ARMH3: variants seen among roughly 807,000 people sequenced by gnomAD.
ARMH3 encodes armadillo like helical domain containing 3.
ARMH3 carries 60 observed loss-of-function variants against 99.1 expected under a neutral mutation model. That is an observed-to-expected ratio of 0.61 (90% CI 0.49 to 0.75). The LOEUF is 0.75. ARMH3 is among the 30% of genes least tolerant of loss of function. The probability of loss-of-function intolerance (pLI) is 0.00; values close to 1 mark genes in which losing one functional copy is unlikely to be tolerated. For missense variants in ARMH3, 679 were observed against 843.1 expected (o/e 0.81, Z 2.41); for synonymous variants, 285 against 292.8 (o/e 0.97, Z 0.27).
intron 24 of ARMH3, among the ~76,000 whole-genome samples, chr10:101,887,808 T>C (rs562010949): frequency 6.6e-6 from 1 of 152,002 alleles, no homozygotes; most frequent in South Asian, 2.1e-4. Context: ...TCCCTCTCCA[T>C]TGAAATCGCT....
intron 23 of ARMH3, among the ~76,000 whole-genome samples, chr10:101,906,019 C>T (rs1249880787): frequency 6.6e-6 from 1 of 152,138 alleles, no homozygotes; most frequent in African/African-American, 2.4e-5. Flanking sequence ...ATGTTACGTA[C>T]ATGTTACATT....
At chr10:101,944,265 TATATATATAGAGAGAGAG>T (rs1337049262) in intron 22 of ARMH3, among the ~76,000 whole-genome samples, 2 of 56,484 alleles carry the variant, frequency 3.5e-5, no homozygotes, top group East Asian at 7.6e-4. Flanking sequence ...TATATATATA[TATATATATAGAGAGAGAG>T]AGAGAGAGAG....
At chr10:102,020,058 C>CA (rs1348046893) in intron 8 of ARMH3, among the ~76,000 whole-genome samples, 7 of 149,868 alleles carry the variant, frequency 4.7e-5, no homozygotes, top group African/African-American at 7.4e-5. Flanking sequence ...CATGTCATCT[C>CA]AAACATCACA....
intron 23 of ARMH3, among the ~76,000 whole-genome samples, chr10:101,933,152 C>T (rs1843796266): frequency 1.3e-5 from 2 of 152,106 alleles, no homozygotes; most frequent in Admixed American, 1.3e-4. Context: ...CACCACTGCA[C>T]TCCAGCCTGG....
chr10:101,928,300 G>C (rs900117672), intron 23 of ARMH3, among the ~76,000 whole-genome samples: 3 of 152,116 alleles, frequency 2.0e-5, no homozygotes, highest in African/African-American at 7.2e-5. Context: ...TATCTACAAG[G>C]CTTCAAATGA....
intron 23 of ARMH3, among the ~76,000 whole-genome samples, chr10:101,937,161 C>T (rs1459476451): frequency 6.6e-6 from 1 of 152,164 alleles, no homozygotes; most frequent in Non-Finnish European, 1.5e-5. Flanking sequence ...GTCTTCAATG[C>T]AGCTTTACAG....
intron 15 of ARMH3, among the ~76,000 whole-genome samples, chr10:101,999,858 G>T (rs940093181): frequency 6.6e-6 from 1 of 152,076 alleles, no homozygotes; most frequent in Admixed American, 6.5e-5. Flanking sequence ...GCTGAGGTGG[G>T]CGGATCACAA....
intron 23 of ARMH3, among the ~76,000 whole-genome samples, chr10:101,903,557 A>T (rs763304674): frequency 1.1e-4 from 17 of 152,192 alleles, no homozygotes; most frequent in Non-Finnish European, 2.5e-4. Context: ...GTGCTTGAGC[A>T]GAGTCTCAAA....
At chr10:101,888,487 G>C (rs1269582761) in intron 24 of ARMH3, among the ~76,000 whole-genome samples, 4 of 152,228 alleles carry the variant, frequency 2.6e-5, no homozygotes, top group African/African-American at 9.6e-5. Context: ...AAAAAGGCTT[G>C]CTTGGTGCTT....
intron 22 of ARMH3, among the ~76,000 whole-genome samples, chr10:101,944,328 A>AGAGAGAGAGT (rs1554871575): frequency 9.3e-6 from 1 of 108,002 alleles, no homozygotes; most frequent in Non-Finnish European, 1.9e-5. Flanking sequence ...AGAGAGAGAG[A>AGAGAGAGAGT]GTCCAAACTG....
chr10:101,964,905 C>A (rs1395908166), intron 20 of ARMH3, among the ~76,000 whole-genome samples: 3 of 151,604 alleles, frequency 2.0e-5, no homozygotes, highest in Non-Finnish European at 2.9e-5. Flanking sequence ...CCCAGCTACT[C>A]GGGAGGCTGA....
At chr10:102,014,675 G>A (rs943126510) in intron 8 of ARMH3, among the ~76,000 whole-genome samples, 1 of 152,158 alleles carries the variant, frequency 6.6e-6, no homozygotes, top group Non-Finnish European at 1.5e-5. Context: ...ATCTGGTCAG[G>A]ACACTGGAAT....
intron 15 of ARMH3, among the ~76,000 whole-genome samples, chr10:101,999,728 G>T (rs2066305312): frequency 6.6e-6 from 1 of 152,110 alleles, no homozygotes; most frequent in Non-Finnish European, 1.5e-5. Flanking sequence ...CTTAACTTTA[G>T]GTGATACATG....
chr10:101,862,390 A>G (rs992244663), intron 24 of ARMH3, among the ~76,000 whole-genome samples: 4 of 152,198 alleles, frequency 2.6e-5, no homozygotes, highest in Non-Finnish European at 5.9e-5. Flanking sequence ...CAGCCTGGCC[A>G]ACATGGTGAA....
At chr10:102,052,737 CAAATA>C (rs2067736917) in intron 1 of ARMH3, among the ~76,000 whole-genome samples, 3 of 152,116 alleles carry the variant, frequency 2.0e-5, no homozygotes, top group Admixed American at 1.3e-4. Flanking sequence ...TCCTTATAGA[CAAATA>C]AAATAAACAT....
At chr10:102,046,708 C>T (rs2067562441) in intron 1 of ARMH3, among the ~76,000 whole-genome samples, 1 of 150,662 alleles carries the variant, frequency 6.6e-6, no homozygotes, top group South Asian at 2.1e-4. Flanking sequence ...TGTAGGGACT[C>T]AAACCCAGGC....
chr10:101,850,123 A>T (rs2066560045), intron 24 of ARMH3, among the ~76,000 whole-genome samples: 3 of 107,322 alleles, frequency 2.8e-5, no homozygotes, highest in Admixed American at 1.4e-4. Flanking sequence ...TTTGAGACTG[A>T]GTCTTGCTCT....
In ARMH3 at chr10:101,940,003, A is replaced by ATTCAGATATTC. The variant is rs1346124620; in HGVS notation, c.1706-66_1706-65insGAATATCTGAA. ...GCATAAAACACAAACATGAGGAATG[A>ATTCAGATATTC]AGACACATCTCAGAATAGCACTCTC... On this transcript the variant is annotated intron_variant, in intron 22 of 25. Coordinates refer to ENST00000370033, the MANE Select transcript of ARMH3 (RefSeq NM_024541.3). The ATTCAGATATTC allele has an allele frequency of 1.7e-4, 232 of 1,353,960 alleles. 1 individual carries two copies. In the South Asian group the frequency reaches 2.5e-3, roughly 14 times the overall value. The allele number at this position is 1,353,960 out of a possible 1,614,324, so 83.9% of individuals were successfully genotyped here.
At chr10:101,967,606 G>A (rs1030678735) in intron 20 of ARMH3, among the ~76,000 whole-genome samples, 2 of 152,142 alleles carry the variant, frequency 1.3e-5, no homozygotes, top group Non-Finnish European at 2.9e-5. Flanking sequence ...GCATGGTGGT[G>A]TGCGCCTGTA....
Sources: allele counts gnomAD v4.1 joint callset (sites outside exome capture counted in the v4.1 genomes callset), GRCh38; gene constraint gnomAD v4.1.1; transcripts MANE v1.5; gene names NCBI Gene and HGNC (gene_info 2026-07-23, HGNC 2026-07-21).